Variants in CLDN16 observed in about 807,000 individuals in gnomAD.
CLDN16 encodes the protein claudin-16.
A neutral mutation model predicts 24.6 loss-of-function variants in CLDN16; 13 were observed. The observed-to-expected ratio is 0.53, with a 90% CI of 0.34 to 0.84. CLDN16 has a LOEUF of 0.84. CLDN16 is among the 40% of genes least tolerant of loss of function. CLDN16 has a pLI of 0.01. For synonymous variants in CLDN16, 116 were observed against 106.7 expected, an observed-to-expected ratio of 1.09 and a Z score of -0.54; for missense variants, 298 against 292.7, an observed-to-expected ratio of 1.02 and a Z score of -0.13.
At chr3:190,401,055 C>T in intron 1 of CLDN16, among the ~76,000 whole-genome samples, 1 of 152,154 alleles carries the variant, frequency 6.6e-6, no homozygotes, top group East Asian at 1.9e-4. Context: ...TAAATAGTAA[C>T]TGCTTTATGG....
exon 1 of CLDN16, chr3:190,322,594 C>A (rs1716961417): frequency 9.7e-6 from 3 of 308,412 alleles, no homozygotes; most frequent in Non-Finnish European, 1.8e-5. Context: ...GGCGTGGGGA[C>A]CACCCGGCAG....
chr3:190,322,155 A>T, upstream of CLDN16: 4 of 1,614,182 alleles, frequency 2.5e-6, no homozygotes, highest in Non-Finnish European at 3.4e-6. Flanking sequence ...GCGCCGATCC[A>T]TCCCAGGAAG....
chr3:190,320,348 A>G (rs377151266), upstream of CLDN16, among the ~76,000 whole-genome samples: 2 of 152,178 alleles, frequency 1.3e-5, no homozygotes, highest in Admixed American at 1.3e-4. Context: ...CCACCTGCCA[A>G]TTCCTTAACG....
chr3:190,338,310 A>T (rs1258305332), intron 1 of CLDN16, among the ~76,000 whole-genome samples: 1 of 152,220 alleles, frequency 6.6e-6, no homozygotes. Context: ...ACCAACAAGC[A>T]AGAAAAGGAA....
intron 1 of CLDN16, among the ~76,000 whole-genome samples, chr3:190,358,470 C>T (rs949439979): frequency 8.6e-5 from 13 of 152,006 alleles, no homozygotes; most frequent in East Asian, 3.9e-4. Context: ...TACAAACACA[C>T]GGATCAGTCA....
chr3:190,328,449 AG>A lies in CLDN16; in HGVS notation n.121+5789del, dbSNP rs1231757927. 2.0e-5 allele frequency among the ~76,000 whole-genome samples: 3 copies of A among 152,334 alleles called. No homozygotes were observed. The South Asian group carries it at 6.2e-4, about 32-fold the overall frequency. The stretch of plus-strand genomic sequence containing the variant: ...AAGAAAAGAAATATGTGTATCTCAC[AG>A]TGTTGTGAGGAGTAAATAAAATTGA... On this transcript the variant is annotated intron_variant and non_coding_transcript_variant, in intron 1 of 4. Coordinates refer to the CLDN16 transcript ENST00000468220.
At chr3:190,329,587 ATTGTC>A (rs1441101215) in intron 1 of CLDN16, among the ~76,000 whole-genome samples, 4 of 152,176 alleles carry the variant, frequency 2.6e-5, no homozygotes, top group African/African-American at 9.7e-5. Context: ...ATTTGGCTGT[ATTGTC>A]TTAGGAGGAA....
the CLDN16 span, among the ~76,000 whole-genome samples, chr3:190,311,143 G>A: frequency 6.6e-6 from 1 of 152,128 alleles, no homozygotes; most frequent in Non-Finnish European, 1.5e-5. Flanking sequence ...CATGCGAATG[G>A]TCTTGAACTT....
intron 1 of CLDN16, among the ~76,000 whole-genome samples, chr3:190,349,675 G>T (rs1045532588): frequency 2.6e-5 from 4 of 152,176 alleles, no homozygotes; most frequent in Non-Finnish European, 4.4e-5. Flanking sequence ...ATTGACATGA[G>T]GTGAAAATGA....
chr3:190,334,608 A>G (rs1402541630), intron 1 of CLDN16, among the ~76,000 whole-genome samples: 2 of 152,254 alleles, frequency 1.3e-5, no homozygotes, highest in African/African-American at 4.8e-5. Context: ...GCTTTGGCCA[A>G]AGAGAAGCAC....
At position 190,408,339 on chromosome 3, in the gene CLDN16, G is replaced by A. The variant is rs149645885; in HGVS notation, c.408G>A (p.Val136=). ...GTACCCCAGGAATCATTGGCTCTGT[G>A]TGGTATGCTGTTGATGTGTATGTGG... ...IAGTPGIIGS[V]WYAVDVYVER... Residue 136 remains valine (V), a synonymous_variant, in exon 4 of 5, where the codon GTG becomes GTA. Transcript: ENST00000264734. 13 of 1,613,972 alleles carry A rather than the reference G, an allele frequency of 8.1e-6. No individual in the cohort carries two copies. The African/African-American group carries it at 1.3e-4, about 17-fold the overall frequency.
the CLDN16 span, among the ~76,000 whole-genome samples, chr3:190,314,411 T>A: frequency 6.6e-6 from 1 of 152,194 alleles, no homozygotes; most frequent in African/African-American, 2.4e-5. Flanking sequence ...TTTTCTTTTT[T>A]TGAGATAGAG....
chr3:190,372,130 T>C (rs1718155164), intron 2 of CLDN16, among the ~76,000 whole-genome samples: 2 of 151,984 alleles, frequency 1.3e-5, no homozygotes, highest in South Asian at 4.1e-4. Context: ...TTAGCTATAC[T>C]TGAGGCCGGC....
At chr3:190,319,854 G>T (rs1027127246), upstream of CLDN16, among the ~76,000 whole-genome samples, 4 of 152,226 alleles carry the variant, frequency 2.6e-5, no homozygotes, top group Non-Finnish European at 5.9e-5. Flanking sequence ...TGCTCAGGCA[G>T]AGAAATGAAG....
chr3:190,307,772 G>A, the CLDN16 span: 1 of 152,886 alleles, frequency 6.5e-6, no homozygotes, highest in Admixed American at 6.5e-5. Context: ...TGTGGCAAAG[G>A]CACCCAAAGC....
chr3:190,377,289 G>A (rs916277758), intron 3 of CLDN16, among the ~76,000 whole-genome samples: 1 of 151,888 alleles, frequency 6.6e-6, no homozygotes, highest in Non-Finnish European at 1.5e-5. Flanking sequence ...GGTAAAGGAA[G>A]CACCAAGCAA....
intron 3 of CLDN16, among the ~76,000 whole-genome samples, chr3:190,380,018 C>T (rs1305833014): frequency 1.2e-5 from 1 of 81,446 alleles, no homozygotes; most frequent in East Asian, 7.1e-4. Context: ...TCTATCTAAA[C>T]TTCTATTTGC....
chr3:190,342,173 C>A (rs1717452330), intron 1 of CLDN16, among the ~76,000 whole-genome samples: 1 of 152,152 alleles, frequency 6.6e-6, no homozygotes, highest in Non-Finnish European at 1.5e-5. Flanking sequence ...GGTATCTTTT[C>A]AGGAGCACCC....
intron 1 of CLDN16, among the ~76,000 whole-genome samples, chr3:190,343,354 T>G (rs1717480125): frequency 6.6e-6 from 1 of 152,138 alleles, no homozygotes; most frequent in Non-Finnish European, 1.5e-5. Flanking sequence ...TGTACACTTT[T>G]GGGAATGTAG....
Sources: gnomAD v4.1 joint callset for allele counts (sites outside exome capture counted in the v4.1 genomes callset) on GRCh38, gnomAD v4.1.1 for gene constraint, MANE v1.5 for transcripts, NCBI Gene and HGNC (gene_info 2026-07-23, HGNC 2026-07-21) for gene names.